Variants in NAV2 observed in about 807,000 individuals in gnomAD.
NAV2 encodes the protein neuron navigator 2.
In NAV2, 54 loss-of-function variants were observed where a neutral mutation model predicts 223.2. The observed-to-expected ratio is 0.24, with a 90% confidence interval of 0.19 to 0.30. NAV2 has a LOEUF of 0.30. Among genes scored for constraint, NAV2 ranks in the 10% least tolerant of loss-of-function variants. The pLI, the probability that NAV2 is intolerant of heterozygous loss-of-function variation, is 1.00. For missense variants in NAV2, 2,806 were observed against 3,147.5 expected (o/e 0.89, Z 2.60); for synonymous variants, 1,279 against 1,239.3 (o/e 1.03, Z -0.67).
chr11:19,796,280 A>C (rs1247849395), intron 1 of NAV2, among the ~76,000 whole-genome samples: 1 of 152,142 alleles, frequency 6.6e-6, no homozygotes, highest in Non-Finnish European at 1.5e-5. Flanking sequence ...TGAAACCAAG[A>C]GTTCAACCAG....
chr11:19,418,418 A>C (rs1394330889), intron 1 of NAV2, among the ~76,000 whole-genome samples: 1 of 152,238 alleles, frequency 6.6e-6, no homozygotes, highest in Non-Finnish European at 1.5e-5. Flanking sequence ...TACAGCCCAG[A>C]GATGCCTTCT....
At chr11:19,913,182 G>A (rs1351797222) in intron 6 of NAV2, among the ~76,000 whole-genome samples, 1 of 152,098 alleles carries the variant, frequency 6.6e-6, no homozygotes, top group Non-Finnish European at 1.5e-5. Flanking sequence ...AAAATAATTA[G>A]GGTACCTAAT....
intron 35 of NAV2, 32 bp downstream of exon 35, chr11:20,105,759 C>T (rs1239981196): frequency 1.9e-6 from 3 of 1,574,144 alleles, no homozygotes; most frequent in Non-Finnish European, 2.6e-6. Flanking sequence ...GGGGGGCGGG[C>T]TGGCATCCTC....
chr11:19,835,061 A>G lies in NAV2; in HGVS notation c.385+2460A>G, dbSNP rs115121620. Among the ~76,000 whole-genome samples, 615 of 152,258 alleles carry G rather than the reference A, an allele frequency of 4.0e-3. 2 individuals are homozygous for G. Among genetic ancestry groups the G allele is most frequent in the African/African-American group, 0.014 (564 of 41,548 alleles). ...CTTGGGCTCAGAAGAGGCAAATGGG[A>G]GTATGTATGTTGTGCATTTTCTAAA... On this transcript the variant is annotated intron_variant, in intron 2 of 37. Coordinates refer to ENST00000349880, the MANE Select transcript of NAV2 (RefSeq NM_145117.5).
chr11:19,778,512 CAAAAA>C (rs1565300764), intron 1 of NAV2, among the ~76,000 whole-genome samples: 1 of 151,506 alleles, frequency 6.6e-6, no homozygotes, highest in African/African-American at 2.4e-5. Flanking sequence ...AAAACAAAAA[CAAAAA>C]CAAAACACAA....
chr11:19,860,147 G>C (rs1304966351), intron 3 of NAV2, among the ~76,000 whole-genome samples: 4 of 146,436 alleles, frequency 2.7e-5, no homozygotes, highest in Non-Finnish European at 4.5e-5. Context: ...CCTCCCGGAC[G>C]GGGCGGCTGG....
chr11:19,858,452 T>A (rs1024145850), intron 3 of NAV2, among the ~76,000 whole-genome samples: 1 of 152,236 alleles, frequency 6.6e-6, no homozygotes, highest in Non-Finnish European at 1.5e-5. Flanking sequence ...TCTGTATCCA[T>A]TTATCCTTTG....
At chr11:19,896,489 G>A (rs1205493315) in intron 6 of NAV2, among the ~76,000 whole-genome samples, 1 of 151,438 alleles carries the variant, frequency 6.6e-6, no homozygotes, top group Admixed American at 6.6e-5. Context: ...GCACTTTACT[G>A]CTTGGAAAAT....
intron 11 of NAV2, chr11:20,027,343 C>T (rs144135495): frequency 8.8e-5 from 87 of 985,348 alleles, no homozygotes; most frequent in Non-Finnish European, 1.0e-4. Flanking sequence ...GAACAATAGC[C>T]AGAAAACGAG....
intron 6 of NAV2, among the ~76,000 whole-genome samples, chr11:19,894,047 G>A (rs1354305895): frequency 6.6e-6 from 1 of 152,028 alleles, no homozygotes; most frequent in East Asian, 1.9e-4. Context: ...ATTTGTGTGT[G>A]TATATATATA....
At chr11:20,066,472 C>T (rs2059049303) in intron 20 of NAV2, among the ~76,000 whole-genome samples, 1 of 152,134 alleles carries the variant, frequency 6.6e-6, no homozygotes, top group Non-Finnish European at 1.5e-5. Flanking sequence ...AACAAACCTA[C>T]CTAATGGAGT....
chr11:19,670,767 G>C (rs1364800342), intron 1 of NAV2, among the ~76,000 whole-genome samples: 1 of 152,208 alleles, frequency 6.6e-6, no homozygotes, highest in African/African-American at 2.4e-5. Context: ...GCAGCTTGCG[G>C]GCACCTCTGA....
chr11:20,079,668 C>T (rs1010712390), intron 24 of NAV2, among the ~76,000 whole-genome samples: 2 of 152,156 alleles, frequency 1.3e-5, no homozygotes, highest in Admixed American at 6.5e-5. Flanking sequence ...GCAGGCATGG[C>T]ACTTCCAGAG....
chr11:19,932,236 C>CAAAAAAAAAAAAA (rs398015484), intron 6 of NAV2, among the ~76,000 whole-genome samples: 100 of 78,922 alleles, frequency 1.3e-3, no homozygotes, highest in Admixed American at 1.7e-3. Context: ...CACTCTTAAG[C>CAAAAAAAAAAAAA]AAAAAAAAAA....
chr11:19,832,751 T>G (rs1590793567), intron 2 of NAV2, 150 bp downstream of exon 2: 2 of 699,560 alleles, frequency 2.9e-6, no homozygotes, highest in East Asian at 5.0e-5. Context: ...TTGACTAAGT[T>G]GTGTGAGTAC....
rs1190238404 is a variant in NAV2, at chr11:19,396,949, GC to G, written c.75+45924del. 7.9e-5 allele frequency among the ~76,000 whole-genome samples: 12 copies of G among 152,294 alleles called. No homozygotes were observed. In the East Asian group the frequency reaches 2.3e-3, roughly 29 times the overall value. On this transcript the variant is annotated intron_variant, in intron 1 of 37. Transcript: ENST00000360655. ...TGAGGCTCATGTGTATTCACCGGAAGCCTCTTCCTCTTTTTATGGGGACCAC... is the reference window on the plus strand; with the variant it reads ...TGAGGCTCATGTGTATTCACCGGAAGCTCTTCCTCTTTTTATGGGGACCAC...
intron 17 of NAV2, among the ~76,000 whole-genome samples, chr11:20,053,213 G>A (rs190273492): frequency 2.3e-5 from 2 of 85,294 alleles, no homozygotes; most frequent in African/African-American, 5.0e-5. Context: ...GCAAGACTAC[G>A]TCTCGAAAAA....
At chr11:19,394,534 C>CTTCTCAGAG (rs148914903) in intron 1 of NAV2, among the ~76,000 whole-genome samples, 3,927 of 152,266 alleles carry the variant, frequency 0.026, 135 homozygotes, top group African/African-American at 0.089. Context: ...TGGCTCTTGT[C>CTTCTCAGAG]TTCTCAGAGC....
intron 1 of NAV2, among the ~76,000 whole-genome samples, chr11:19,383,088 T>C (rs1038795087): frequency 2.0e-5 from 3 of 152,320 alleles, no homozygotes; most frequent in East Asian, 1.9e-4. Flanking sequence ...AACTGAGGCT[T>C]AGGAAGAAAT....
Sources: allele counts gnomAD v4.1 joint callset (sites outside exome capture counted in the v4.1 genomes callset), GRCh38; gene constraint gnomAD v4.1.1; transcripts MANE v1.5; gene names NCBI Gene and HGNC (gene_info 2026-07-23, HGNC 2026-07-21).